Variants in HSPA12A observed in about 807,000 individuals in gnomAD.
The protein encoded by HSPA12A is heat shock 70 kDa protein 12A.
In HSPA12A, 28 loss-of-function variants were observed where a neutral mutation model predicts 69.2. The ratio of observed to expected loss-of-function variants is 0.40; its 90% CI spans 0.30 to 0.55. The LOEUF (loss-of-function observed/expected upper bound fraction) is 0.55, where lower values mean the gene tolerates loss of function less well. Ranked by LOEUF, HSPA12A falls within the 20% of genes least tolerant of loss-of-function variation. The pLI is 0.38. For synonymous variants in HSPA12A, 345 were observed against 370.5 expected (o/e 0.93, Z 0.79); for missense variants, 686 against 900.7 (o/e 0.76, Z 3.05).
At chr10:116,835,412 T>G (rs1205915719) in intron 1 of HSPA12A, among the ~76,000 whole-genome samples, 1 of 152,166 alleles carries the variant, frequency 6.6e-6, no homozygotes, top group African/African-American at 2.4e-5. Flanking sequence ...CCATTTACCT[T>G]GGAGAGATGA....
upstream of HSPA12A, among the ~76,000 whole-genome samples, chr10:116,743,724 G>A (rs1851583559): frequency 6.6e-6 from 1 of 151,550 alleles, no homozygotes; most frequent in African/African-American, 2.4e-5. Flanking sequence ...ATGGATGACG[G>A]AATGGGCAGA....
intron 2 of HSPA12A, among the ~76,000 whole-genome samples, chr10:116,809,192 A>T (rs1845127898): frequency 6.6e-6 from 1 of 152,124 alleles, no homozygotes; most frequent in Non-Finnish European, 1.5e-5. Context: ...GCTTTTCCTG[A>T]CATTTTACAT....
chr10:116,713,254 T>C (rs1037317580), intron 1 of HSPA12A, among the ~76,000 whole-genome samples: 1 of 151,964 alleles, frequency 6.6e-6, no homozygotes, highest in Non-Finnish European at 1.5e-5. Flanking sequence ...GCTGAACTAA[T>C]GCATTATTAC....
At chr10:116,843,248 T>TA (rs1271862995) in intron 1 of HSPA12A, among the ~76,000 whole-genome samples, 4 of 152,200 alleles carry the variant, frequency 2.6e-5, no homozygotes, top group Non-Finnish European at 5.9e-5. Flanking sequence ...ATTAAAGTGA[T>TA]ACATCACCAG....
chr10:116,689,226 A>C (rs1849664773), intron 6 of HSPA12A, among the ~76,000 whole-genome samples: 1 of 59,032 alleles, frequency 1.7e-5, no homozygotes, highest in Non-Finnish European at 3.1e-5. Context: ...GGGAGGTTCA[A>C]GTTCAGCCCC....
Position 116,809,997 on chromosome 10 carries a change from C to G in HSPA12A, c.91+24938G>C, listed in dbSNP as rs181344058. 9.2e-3 allele frequency among the ~76,000 whole-genome samples: 1,398 copies of G among 152,222 alleles called. 18 individuals are homozygous for G. Among genetic ancestry groups the G allele is most frequent in the African/African-American group, 0.032 (1,310 of 41,542 alleles). On this transcript the variant is annotated intron_variant, in intron 2 of 12. Coordinates refer to the HSPA12A transcript ENST00000635765. ...TTGGTTTATGCAAGGCTATGTGGAC[C>G]AGAGAGGTGGAAAACAACCGAAGCC...
chr10:116,701,169 A>G, intron 3 of HSPA12A, 40 bp from the exon 4 acceptor site: 1 of 1,594,896 alleles, frequency 6.3e-7, no homozygotes, highest in Non-Finnish European at 8.6e-7. Flanking sequence ...GCCTTCTTTC[A>G]AAATCCCAAT....
intron 1 of HSPA12A, among the ~76,000 whole-genome samples, chr10:116,841,360 C>T (rs930503748): frequency 5.9e-5 from 9 of 152,118 alleles, no homozygotes; most frequent in African/African-American, 1.9e-4. Flanking sequence ...TTAATGGAAA[C>T]GTTTTTCTGA....
chr10:116,841,426 G>A (rs1845798856), intron 1 of HSPA12A, among the ~76,000 whole-genome samples: 1 of 152,102 alleles, frequency 6.6e-6, no homozygotes, highest in Admixed American at 6.5e-5. Context: ...CTAAGGTGTT[G>A]AATGCACAAT....
Position 116,723,037 on chromosome 10 carries a change from A to T in HSPA12A, c.41-15752T>A, listed in dbSNP as rs1850830098. On this transcript the variant is annotated intron_variant, in intron 1 of 11. Transcript: ENST00000369209. The surrounding 1 kb of genome is among the most constrained non-coding windows in gnomAD (Gnocchi z 4.1). ...TATGAAGGGCTTCCCAGAGAGCCTT[A>T]TACTCTCCCAGCTGGTGTCACTGCC... Among the ~76,000 whole-genome samples, 1 of 152,056 alleles carries T rather than the reference A, an allele frequency of 6.6e-6. No individual in the cohort carries two copies. The highest frequency in any genetic ancestry group is 1.5e-5 in the Non-Finnish European group (1 of 67,990).
intron 1 of HSPA12A, among the ~76,000 whole-genome samples, chr10:116,717,242 T>A (rs1589656461): frequency 6.6e-6 from 1 of 152,276 alleles, no homozygotes; most frequent in Admixed American, 6.5e-5. Context: ...GCTCTCTGAC[T>A]CCAAGCCTGC....
intron 1 of HSPA12A, among the ~76,000 whole-genome samples, chr10:116,837,277 T>C (rs1334747003): frequency 6.6e-6 from 1 of 152,182 alleles, no homozygotes; most frequent in Non-Finnish European, 1.5e-5. Context: ...TAAGTTTATA[T>C]CTAAATCAGA....
At chr10:116,742,321 G>A (rs1589679116) in intron 1 of HSPA12A, 109 bp downstream of exon 1, 4 of 1,161,992 alleles carry the variant, frequency 3.4e-6, no homozygotes, top group Non-Finnish European at 3.3e-6. Context: ...CAGCGCGGGC[G>A]TCCCCACTTT....
intron 2 of HSPA12A, among the ~76,000 whole-genome samples, chr10:116,803,177 G>T (rs759796831): frequency 1.3e-5 from 2 of 152,268 alleles, no homozygotes; most frequent in African/African-American, 2.4e-5. Flanking sequence ...ATTTTCTGAG[G>T]GTATGCTGTG....
At chr10:116,689,602 C>T (rs141899880) in intron 6 of HSPA12A, among the ~76,000 whole-genome samples, 176 of 139,812 alleles carry the variant, frequency 1.3e-3, no homozygotes, top group African/African-American at 4.5e-3. Flanking sequence ...AGCAGTAGGG[C>T]ATACAGACAC....
At chr10:116,776,587 T>C (rs1265356815) in intron 2 of HSPA12A, among the ~76,000 whole-genome samples, 1 of 152,312 alleles carries the variant, frequency 6.6e-6, no homozygotes, top group Non-Finnish European at 1.5e-5. Flanking sequence ...GAAAGCCTAA[T>C]TTGATCGTCA....
chr10:116,741,448 G>A (rs1241187247), intron 1 of HSPA12A, among the ~76,000 whole-genome samples: 2 of 152,188 alleles, frequency 1.3e-5, no homozygotes, highest in Admixed American at 6.5e-5. Context: ...TGTCGCTCCC[G>A]GGAAAGATGC....
At chr10:116,740,320 A>G (rs1294816423) in intron 1 of HSPA12A, among the ~76,000 whole-genome samples, 2 of 152,214 alleles carry the variant, frequency 1.3e-5, no homozygotes, top group Non-Finnish European at 2.9e-5. Flanking sequence ...TTTTCCCAGC[A>G]ATGAGGAAAC....
chr10:116,777,111 G>A (rs947267828), intron 2 of HSPA12A, among the ~76,000 whole-genome samples: 12 of 152,186 alleles, frequency 7.9e-5, no homozygotes, highest in Non-Finnish European at 1.3e-4. Context: ...AGCCAGGCTG[G>A]AGGGGCGCTG....
Sources: gnomAD v4.1 joint callset for allele counts (sites outside exome capture counted in the v4.1 genomes callset) on GRCh38, gnomAD v4.1.1 for gene constraint, Gnocchi (gnomAD v3.1) non-coding constraint, MANE v1.5 for transcripts, NCBI Gene and HGNC (gene_info 2026-07-23, HGNC 2026-07-21) for gene names.